The following KNTC1 variants were observed in gnomAD, a reference collection of about 807,000 sequenced individuals.
KNTC1 encodes the protein kinetochore associated 1, also known as kinetochore-associated protein 1.
KNTC1 carries 253 observed loss-of-function variants against 314.4 expected under a neutral mutation model. The observed-to-expected ratio is 0.80, with a 90% CI of 0.73 to 0.89. The LOEUF (loss-of-function observed/expected upper bound fraction) is 0.89, where lower values mean the gene tolerates loss of function less well. Ranked by LOEUF, KNTC1 falls within the 40% of genes least tolerant of loss-of-function variation. The pLI is 0.00. For synonymous variants in KNTC1, 901 were observed against 901.4 expected (o/e 1.00, Z 0.01); for missense variants, 2,475 against 2,572.9 (o/e 0.96, Z 0.82).
intron 42 of KNTC1, chr12:122,593,350 G>C (rs1386731140): frequency 7.0e-6 from 1 of 143,544 alleles, no homozygotes; most frequent in African/African-American, 2.6e-5. Flanking sequence ...TGCAACATCC[G>C]CCTCCCAGGC....
At chr12:122,554,755 C>T (rs1450431392) in intron 16 of KNTC1, among the ~76,000 whole-genome samples, 2 of 152,158 alleles carry the variant, frequency 1.3e-5, no homozygotes, top group Admixed American at 1.3e-4. Flanking sequence ...TTATAGTTTT[C>T]AGAACCAGAG....
At position 122,527,342 on chromosome 12, in the gene KNTC1, T is replaced by TC. The variant is rs1156769004; in HGVS notation, c.-82dup. The TC allele has an allele frequency of 5.9e-6, 1 of 170,924 alleles. No individual in the cohort carries two copies. Among genetic ancestry groups the TC allele is most frequent in the Non-Finnish European group, 1.3e-5 (1 of 78,808 alleles). The allele number at this position is 170,924 out of a possible 1,614,324, so 10.6% of individuals were successfully genotyped here. On this transcript the variant is annotated 5_prime_UTR_variant, in exon 1 of 64. Coordinates refer to ENST00000333479, the MANE Select transcript of KNTC1 (RefSeq NM_014708.6). ...ATCTGAGTGTTCCTCTTTAGTTTCTTCAATTGCAGGTGAGGACGGGGAGCT... is the reference window on the plus strand; with the variant it reads ...ATCTGAGTGTTCCTCTTTAGTTTCTTCCAATTGCAGGTGAGGACGGGGAGCT...
At chr12:122,579,033 T>C in intron 31 of KNTC1, among the ~76,000 whole-genome samples, 1 of 3,278 alleles carries the variant, frequency 3.1e-4, no homozygotes, top group Non-Finnish European at 7.3e-4. Context: ...TTCTTTTTTT[T>C]TTTTTTTTTT....
intron 20 of KNTC1, among the ~76,000 whole-genome samples, chr12:122,564,794 T>A (rs995583597): frequency 2.6e-5 from 4 of 152,214 alleles, no homozygotes; most frequent in African/African-American, 9.6e-5. Context: ...ACACAAATAT[T>A]TTTACCTTTG....
chr12:122,612,014 A>G (rs1303354540), intron 53 of KNTC1, among the ~76,000 whole-genome samples: 1 of 151,322 alleles, frequency 6.6e-6, no homozygotes. Flanking sequence ...TCAAAAGTTG[A>G]GGTTTAGTAA....
chr12:122,613,679 C>T lies in KNTC1; in HGVS notation c.5795C>T (p.Pro1932Leu). ...GCATCATTTGAGACTTTGAATATCC[C>T]CATCACATATGAATTATTTTGCAGC... ...FLASFETLNI[P>L]ITYELFCSSP... Residue 1932 changes from proline to leucine, a missense_variant, in exon 55 of 64, where the codon CCC (proline) becomes CTC (leucine). Transcript: ENST00000333479. 1 of 1,612,418 alleles carries T rather than the reference C, an allele frequency of 6.2e-7. No individual in the cohort carries two copies. Among genetic ancestry groups the T allele is most frequent in the Non-Finnish European group, 8.5e-7 (1 of 1,179,166 alleles).
chr12:122,615,215 C>T (rs1873640899), intron 56 of KNTC1, 129 bp downstream of exon 56: 5 of 780,198 alleles, frequency 6.4e-6, no homozygotes, highest in South Asian at 1.9e-5. Context: ...TCACTGAGCT[C>T]ATGCCAAACT....
chr12:122,595,079 T>C (rs942070408), intron 43 of KNTC1, among the ~76,000 whole-genome samples: 1 of 152,190 alleles, frequency 6.6e-6, no homozygotes, highest in African/African-American at 2.4e-5. Context: ...TTTCACCATG[T>C]TGGCCAGGCT....
chr12:122,573,018 A>T lies in KNTC1; in HGVS notation c.2101A>T (p.Lys701Ter), dbSNP rs770212695. 1 of 1,611,552 alleles carries T rather than the reference A, an allele frequency of 6.2e-7. No homozygotes were observed. The highest frequency in any genetic ancestry group is 8.5e-7 in the Non-Finnish European group (1 of 1,178,532). The part of the protein sequence containing the change: ...NLRELITLHR[K>*]YNCKLALSDF... ...GCGAGAGTTGATCACGTTGCATAGG[A>T]AGTACAACTGCAAATTAGCCCTCTC... The change falls in exon 25 of 64, where the codon AAG becomes TAG. Residue 701 changes from lysine to a stop codon, truncating the protein, a stop_gained. Transcript: ENST00000333479. LOFTEE classifies it high-confidence loss of function.
chr12:122,621,675 A>G (rs1566023981), intron 60 of KNTC1, among the ~76,000 whole-genome samples: 1 of 152,180 alleles, frequency 6.6e-6, no homozygotes. Context: ...CTTATTAATT[A>G]CATTTTTAAA....
At chr12:122,605,882 C>T (rs887697250) in intron 51 of KNTC1, among the ~76,000 whole-genome samples, 1 of 151,790 alleles carries the variant, frequency 6.6e-6, no homozygotes, top group Non-Finnish European at 1.5e-5. Flanking sequence ...TTCGCTCTGT[C>T]ACCCTGGCAA....
rs1036606018 is a variant in KNTC1, at chr12:122,609,333, T to C, written c.5497-51T>C. Reference sequence around the variant, plus strand: ...GATTTTCAGAGAGATGAATGTTTGTTTAGTCATAAACTTTTTCAGTTTTTG... The same window carrying C: ...GATTTTCAGAGAGATGAATGTTTGTCTAGTCATAAACTTTTTCAGTTTTTG... On this transcript the variant is annotated intron_variant, in intron 51 of 63. Transcript: ENST00000333479. 8 of 1,063,336 alleles carry C rather than the reference T, an allele frequency of 7.5e-6. No homozygotes were observed. The African/African-American group carries it at 1.3e-4, about 17-fold the overall frequency. 65.9% of individuals were successfully genotyped at this position (1,063,336 alleles called of 1,614,324 possible).
intron 21 of KNTC1, 115 bp downstream of exon 21, chr12:122,568,487 A>C: frequency 2.7e-6 from 2 of 738,848 alleles, no homozygotes; most frequent in Non-Finnish European, 4.9e-6. Flanking sequence ...ATGTTTTTTG[A>C]TTGGTTCTTA....
chr12:122,590,235 A>G (rs1229569904), intron 40 of KNTC1, among the ~76,000 whole-genome samples: 2 of 151,996 alleles, frequency 1.3e-5, no homozygotes, highest in African/African-American at 2.4e-5. Flanking sequence ...CATATTTTGT[A>G]TATATTTTTT....
chr12:122,623,608 A>G (rs1874672129), intron 62 of KNTC1, among the ~76,000 whole-genome samples: 1 of 152,230 alleles, frequency 6.6e-6, no homozygotes, highest in South Asian at 2.1e-4. Flanking sequence ...ATGTATACCT[A>G]TAAAGCCATC....
chr12:122,594,447 A>G (rs1870754860), intron 43 of KNTC1, 62 bp downstream of exon 43: 3 of 918,186 alleles, frequency 3.3e-6, no homozygotes, highest in Non-Finnish European at 5.3e-6. Flanking sequence ...TTTTGCAAGA[A>G]CACAGTAATA....
intron 51 of KNTC1, among the ~76,000 whole-genome samples, chr12:122,606,367 G>A (rs930177551): frequency 1.3e-5 from 2 of 151,574 alleles, no homozygotes; most frequent in African/African-American, 2.4e-5. Flanking sequence ...ACAGGTGTGC[G>A]CCACTATGGC....
intron 51 of KNTC1, among the ~76,000 whole-genome samples, chr12:122,606,420 G>C (rs1422556786): frequency 6.6e-6 from 1 of 151,946 alleles, no homozygotes; most frequent in Non-Finnish European, 1.5e-5. Flanking sequence ...GTTTCACCAT[G>C]TTGGCCAAGC....
chr12:122,604,098 C>G (rs914594722), intron 48 of KNTC1, among the ~76,000 whole-genome samples: 6 of 150,118 alleles, frequency 4.0e-5, no homozygotes, highest in Non-Finnish European at 7.4e-5. Flanking sequence ...CACACACACA[C>G]AGAAAACTCC....
Sources: gnomAD v4.1 joint callset for allele counts (sites outside exome capture counted in the v4.1 genomes callset) on GRCh38, gnomAD v4.1.1 for gene constraint, MANE v1.5 for transcripts, NCBI Gene and HGNC (gene_info 2026-07-23, HGNC 2026-07-21) for gene names.